The following CEP57 variants were observed in gnomAD, a reference collection of about 807,000 sequenced individuals.
CEP57 encodes centrosomal protein 57, also known as centrosomal protein of 57 kDa.
A neutral mutation model predicts 68.0 loss-of-function variants in CEP57; 40 were observed. The observed-to-expected ratio is 0.59, with a 90% CI of 0.46 to 0.77. The LOEUF (loss-of-function observed/expected upper bound fraction) is 0.77, where lower values mean the gene tolerates loss of function less well. Among genes scored for constraint, CEP57 ranks in the 30% least tolerant of loss-of-function variants. The probability of loss-of-function intolerance (pLI) is 0.00; values close to 1 mark genes in which losing one functional copy is unlikely to be tolerated. For missense variants in CEP57, 606 were observed against 580.7 expected (o/e 1.04, Z -0.45); for synonymous variants, 219 against 198.7 (o/e 1.10, Z -0.86).
At position 95,801,829 on chromosome 11, in the gene CEP57, A is replaced by C. The variant is rs565935798; in HGVS notation, c.202+2441A>C. On this transcript the variant is annotated intron_variant, in intron 2 of 10. Transcript: ENST00000325542. Reference sequence around the variant, plus strand: ...TAAAAGAGAAGTGAGACAAGCAGGGAGGAGACGGAGAGGAGAAATAAACAA... The same window carrying C: ...TAAAAGAGAAGTGAGACAAGCAGGGCGGAGACGGAGAGGAGAAATAAACAA... Among the ~76,000 whole-genome samples the C allele has an allele frequency of 1.1e-4, 17 of 152,290 alleles. 1 individual carries two copies. In the South Asian group the frequency reaches 3.5e-3, roughly 32 times the overall value.
intron 5 of CEP57, 65 bp downstream of exon 5, chr11:95,817,968 T>C (rs1240658321): frequency 1.7e-5 from 15 of 890,034 alleles, no homozygotes; most frequent in Non-Finnish European, 1.9e-6. Context: ...TGTTAATTAT[T>C]TTACATCACT....
chr11:95,831,464 G>A lies in CEP57; in HGVS notation c.*208G>A. The A allele has an allele frequency of 2.1e-6, 1 of 475,314 alleles. No individual in the cohort carries two copies. The allele number at this position is 475,314 out of a possible 1,614,324, so 29.4% of individuals were successfully genotyped here. A position where few individuals can be genotyped will look rare whatever the true frequency, so the allele number is the denominator to read the frequency against. The stretch of plus-strand genomic sequence containing the variant: ...AAATGGAAACCAGGGGAGTTTTAAA[G>A]CCCGAGAAACCACACATAATCTTTT... On this transcript the variant is annotated 3_prime_UTR_variant, in exon 11 of 11. Coordinates refer to ENST00000325542, the MANE Select transcript of CEP57 (RefSeq NM_014679.5).
intron 10 of CEP57, among the ~76,000 whole-genome samples, chr11:95,829,696 T>C (rs1862920434): frequency 6.6e-6 from 1 of 152,208 alleles, no homozygotes; most frequent in Non-Finnish European, 1.5e-5. Flanking sequence ...TGAAATATAT[T>C]TATGTTGCTA....
chr11:95,814,293 G>A (rs973321254), intron 4 of CEP57, among the ~76,000 whole-genome samples: 10 of 151,504 alleles, frequency 6.6e-5, no homozygotes, highest in African/African-American at 2.4e-4. Flanking sequence ...AAGTGATCAG[G>A]CCGCCTCGGC....
At chr11:95,821,759 T>C (rs943043645) in intron 6 of CEP57, 112 bp from the exon 7 acceptor site, 2 of 727,034 alleles carry the variant, frequency 2.8e-6, no homozygotes, top group African/African-American at 3.5e-5. Context: ...GTAATATGTT[T>C]TTCAGTTAGA....
At chr11:95,828,133 G>T in intron 9 of CEP57, 106 bp downstream of exon 9, 1 of 1,352,682 alleles carries the variant, frequency 7.4e-7, no homozygotes. Context: ...AGCAAGTATG[G>T]TTGAGCACAA....
intron 8 of CEP57, chr11:95,825,551 T>G (rs1862700949): frequency 6.6e-6 from 1 of 151,314 alleles, no homozygotes; most frequent in Non-Finnish European, 1.5e-5. Context: ...TGACATTAGA[T>G]AATCTGACAG....
intron 1 of CEP57, among the ~76,000 whole-genome samples, chr11:95,795,065 T>A (rs539833336): frequency 6.6e-6 from 1 of 152,310 alleles, no homozygotes; most frequent in African/African-American, 2.4e-5. Flanking sequence ...TTTACCTCCT[T>A]GTTACTCAAG....
intron 2 of CEP57, among the ~76,000 whole-genome samples, chr11:95,804,210 C>T (rs1380781100): frequency 7.9e-5 from 12 of 152,028 alleles, no homozygotes; most frequent in Admixed American, 2.0e-4. Context: ...CAAATAAAAA[C>T]GATGGATGGC....
At chr11:95,822,270 C>T (rs1046407529) in intron 7 of CEP57, 1 of 583,088 alleles carries the variant, frequency 1.7e-6, no homozygotes, top group Non-Finnish European at 3.0e-6. Flanking sequence ...TGATTTTCTA[C>T]TTAGAATGTA....
intron 2 of CEP57, among the ~76,000 whole-genome samples, chr11:95,810,189 T>C (rs1281967044): frequency 2.0e-5 from 3 of 152,298 alleles, no homozygotes; most frequent in Non-Finnish European, 1.5e-5. Context: ...TAGGTATTGA[T>C]GGGACGTATC....
chr11:95,829,052 A>C, intron 9 of CEP57, 135 bp from the exon 10 acceptor site: 1 of 973,574 alleles, frequency 1.0e-6, no homozygotes, highest in South Asian at 1.4e-5. Flanking sequence ...AAAAAAAAAA[A>C]AAAAATTTAT....
chr11:95,815,531 T>G (rs1309065096), intron 4 of CEP57, among the ~76,000 whole-genome samples: 2 of 152,148 alleles, frequency 1.3e-5, no homozygotes, highest in Non-Finnish European at 2.9e-5. Flanking sequence ...GGGAACTTAA[T>G]AAAGAAAAGT....
intron 1 of CEP57, among the ~76,000 whole-genome samples, chr11:95,794,814 A>T (rs1223152576): frequency 1.3e-5 from 2 of 152,114 alleles, no homozygotes; most frequent in Non-Finnish European, 2.9e-5. Context: ...TTTAAAGTTG[A>T]AGCCTTTTAT....
At chr11:95,791,715 G>A (rs912289663) in intron 1 of CEP57, among the ~76,000 whole-genome samples, 2 of 152,202 alleles carry the variant, frequency 1.3e-5, no homozygotes, top group African/African-American at 2.4e-5. Flanking sequence ...TTTCCTAGAA[G>A]GGAAGATGGA....
chr11:95,799,418 T>C, intron 2 of CEP57, 30 bp downstream of exon 2: 1 of 1,612,604 alleles, frequency 6.2e-7, no homozygotes, highest in Non-Finnish European at 8.5e-7. Context: ...TAAATGTTAT[T>C]TGTGTTTTCT....
intron 1 of CEP57, among the ~76,000 whole-genome samples, chr11:95,795,068 T>C (rs1480252456): frequency 6.6e-6 from 1 of 152,204 alleles, no homozygotes; most frequent in Non-Finnish European, 1.5e-5. Context: ...ACCTCCTTGT[T>C]ACTCAAGAGA....
chr11:95,818,952 T>G (rs1302297691), intron 6 of CEP57, 48 bp downstream of exon 6: 1 of 1,382,840 alleles, frequency 7.2e-7, no homozygotes, highest in Non-Finnish European at 1.0e-6. Context: ...CTTACCGCTT[T>G]TTGTGTACAA....
At chr11:95,792,573 A>C (rs1861136389) in intron 1 of CEP57, among the ~76,000 whole-genome samples, 1 of 152,238 alleles carries the variant, frequency 6.6e-6, no homozygotes, top group African/African-American at 2.4e-5. Flanking sequence ...AGCTGTTAAT[A>C]CTTATACGGT....
Sources: allele counts gnomAD v4.1 joint callset (sites outside exome capture counted in the v4.1 genomes callset), GRCh38; gene constraint gnomAD v4.1.1; transcripts MANE v1.5; gene names NCBI Gene and HGNC (gene_info 2026-07-23, HGNC 2026-07-21).